DACH2: variants seen among roughly 807,000 people sequenced by gnomAD.
The protein encoded by DACH2 is dachshund family transcription factor 2.
In DACH2, 17 loss-of-function variants were observed where a neutral mutation model predicts 35.8. The observed-to-expected ratio is 0.48, with a 90% CI of 0.33 to 0.71. The LOEUF is 0.71. DACH2 is among the 30% of genes least tolerant of loss of function. The pLI, the probability that DACH2 is intolerant of heterozygous loss-of-function variation, is 0.02. For missense variants in DACH2, 469 were observed against 472.7 expected (o/e 0.99, Z 0.07); for synonymous variants, 195 against 177.3 (o/e 1.10, Z -0.79).
At chrX:86,294,026 C>G (rs1282176393) in intron 1 of DACH2, among the ~76,000 whole-genome samples, 1 of 111,936 alleles carries the variant, frequency 8.9e-6, no homozygotes, top group Non-Finnish European at 1.9e-5. Context: ...TGTTTTCCAA[C>G]TTGGTTCCAT....
intron 1 of DACH2, chrX:86,161,273 G>A: frequency 8.4e-7 from 1 of 1,192,276 alleles, no homozygotes; most frequent in Non-Finnish European, 1.1e-6. Flanking sequence ...CATTCTTGGA[G>A]ATACCAGCTT....
chrX:86,305,783 A>T (rs2034674278), intron 1 of DACH2, among the ~76,000 whole-genome samples: 1 of 111,873 alleles, frequency 8.9e-6, no homozygotes, highest in South Asian at 3.7e-4. Context: ...AAAAGACCTG[A>T]ATAGATATTT....
rs150879433 is a variant in DACH2, at chrX:86,573,683, G to A, written c.640+59292G>A. On this transcript the variant is annotated intron_variant, in intron 3 of 11. Transcript: ENST00000373125. ...GGTTTTATTGTTCTCAAGAATAGCC[G>A]TGCTGCCAGAGGAAAAATGTAATGT... Among the ~76,000 whole-genome samples, 9 of 111,689 alleles carry A rather than the reference G, an allele frequency of 8.1e-5. 1 individual carries two copies. The highest frequency in any genetic ancestry group is 1.7e-4 in the Non-Finnish European group (9 of 53,029).
intron 1 of DACH2, among the ~76,000 whole-genome samples, chrX:86,299,525 G>A (rs2034533767): frequency 8.9e-6 from 1 of 111,926 alleles, no homozygotes; most frequent in African/African-American, 3.2e-5. Context: ...AAAGATATGT[G>A]TGTTGAGATA....
chrX:86,625,783 G>A (rs1220497543), intron 3 of DACH2, among the ~76,000 whole-genome samples: 6 of 110,991 alleles, frequency 5.4e-5, no homozygotes, highest in African/African-American at 1.3e-4. Flanking sequence ...ATCAGATCTC[G>A]TAAGACTTAT....
intron 1 of DACH2, among the ~76,000 whole-genome samples, chrX:86,314,926 C>G (rs1002396245): frequency 8.9e-6 from 1 of 112,322 alleles, no homozygotes; most frequent in Non-Finnish European, 1.9e-5. Context: ...CGAGGTGAAG[C>G]AGCAAGTGCT....
intron 7 of DACH2, among the ~76,000 whole-genome samples, chrX:86,780,890 A>T (rs2147308883): frequency 9.0e-6 from 1 of 111,278 alleles, no homozygotes; most frequent in Non-Finnish European, 1.9e-5. Flanking sequence ...TTGTTGCCTT[A>T]GGCAGTGCAG....
chrX:86,669,533 G>A (rs150298126), intron 4 of DACH2, among the ~76,000 whole-genome samples: 252 of 111,472 alleles, frequency 2.3e-3, no homozygotes, highest in African/African-American at 7.9e-3. Context: ...GGCAAGTAGA[G>A]CGAGTAGTGT....
intron 2 of DACH2, among the ~76,000 whole-genome samples, chrX:86,401,278 AC>A (rs1385531788): frequency 9.0e-6 from 1 of 111,700 alleles, no homozygotes; most frequent in Middle Eastern, 4.6e-3. Context: ...GCCATCTGTC[AC>A]CCCTTTCTTT....
chrX:86,730,021 G>A (rs1230505472), intron 6 of DACH2, among the ~76,000 whole-genome samples: 1 of 108,880 alleles, frequency 9.2e-6, no homozygotes, highest in Non-Finnish European at 1.9e-5. Context: ...AATCCCTGGG[G>A]TTAAAAAAAA....
At chrX:86,263,901 T>G in intron 1 of DACH2, among the ~76,000 whole-genome samples, 1 of 112,209 alleles carries the variant, frequency 8.9e-6, no homozygotes, top group South Asian at 3.7e-4. Context: ...AACTTTATTT[T>G]CTTCCCTCAT....
intron 4 of DACH2, among the ~76,000 whole-genome samples, chrX:86,665,094 C>T (rs889051690): frequency 2.7e-5 from 3 of 111,563 alleles, no homozygotes; most frequent in Non-Finnish European, 5.6e-5. Context: ...AACCATTTTG[C>T]CTTCAATAAA....
At chrX:86,589,370 CTA>C (rs2039614786) in intron 3 of DACH2, among the ~76,000 whole-genome samples, 1 of 110,442 alleles carries the variant, frequency 9.1e-6, no homozygotes, top group South Asian at 3.8e-4. Context: ...TTACCTCACT[CTA>C]TTTTTTAAAA....
chrX:86,434,294 A>G (rs1436517592), intron 2 of DACH2, among the ~76,000 whole-genome samples: 4 of 111,553 alleles, frequency 3.6e-5, no homozygotes, highest in Non-Finnish European at 5.6e-5. Context: ...CATAATGGAG[A>G]ATGGGATATC....
chrX:86,224,576 T>C (rs1265783952), intron 1 of DACH2, among the ~76,000 whole-genome samples: 1 of 95,800 alleles, frequency 1.0e-5, no homozygotes, highest in Non-Finnish European at 1.9e-5. Flanking sequence ...CACATGACAG[T>C]TTTTTTTTTG....
chrX:86,289,813 G>T (rs1341899341), intron 1 of DACH2, among the ~76,000 whole-genome samples: 1 of 108,907 alleles, frequency 9.2e-6, no homozygotes, highest in Non-Finnish European at 1.9e-5. Flanking sequence ...TCTTAATCCA[G>T]TCTATCATTG....
At chrX:86,746,982 C>A (rs1854338200) in intron 7 of DACH2, among the ~76,000 whole-genome samples, 1 of 111,532 alleles carries the variant, frequency 9.0e-6, no homozygotes, top group Non-Finnish European at 1.9e-5. Context: ...AGTAGGCACC[C>A]TCATCAAAAA....
At chrX:86,169,231 C>G (rs1297806522) in intron 1 of DACH2, among the ~76,000 whole-genome samples, 1 of 111,540 alleles carries the variant, frequency 9.0e-6, no homozygotes, top group Non-Finnish European at 1.9e-5. Flanking sequence ...CCACTTTCTC[C>G]CGGCCTGTAA....
intron 4 of DACH2, among the ~76,000 whole-genome samples, chrX:86,652,636 G>A (rs59004046): frequency 0.11 from 11,798 of 110,702 alleles, 538 homozygotes; most frequent in South Asian, 0.34. Context: ...AGTAATAGCC[G>A]TTCTGACTGG....
Sources: gnomAD v4.1 joint callset for allele counts (sites outside exome capture counted in the v4.1 genomes callset) on GRCh38, gnomAD v4.1.1 for gene constraint, MANE v1.5 for transcripts, NCBI Gene and HGNC (gene_info 2026-07-23, HGNC 2026-07-21) for gene names.